The following PIKFYVE variants were observed in gnomAD, a reference collection of about 807,000 sequenced individuals.
PIKFYVE encodes 1-phosphatidylinositol 3-phosphate 5-kinase.
Under a neutral mutation model 257.9 loss-of-function variants are expected in PIKFYVE, and 122 were observed. The ratio of observed to expected loss-of-function variants is 0.47; its 90% CI spans 0.41 to 0.55. The LOEUF is 0.55. Ranked by LOEUF, PIKFYVE falls within the 20% of genes least tolerant of loss-of-function variation. The probability of loss-of-function intolerance (pLI) is 0.00; values close to 1 mark genes in which losing one functional copy is unlikely to be tolerated. For missense variants in PIKFYVE, 2,160 were observed against 2,536.6 expected, an observed-to-expected ratio of 0.85 and a Z score of 3.19; for synonymous variants, 892 against 868.9, an observed-to-expected ratio of 1.03 and a Z score of -0.47.
chr2:208,298,029 A>T (rs1231901368), intron 7 of PIKFYVE, among the ~76,000 whole-genome samples: 6 of 152,190 alleles, frequency 3.9e-5, no homozygotes, highest in Non-Finnish European at 7.4e-5. Context: ...AGAAGAAAGG[A>T]ATTCTTTTTT....
intron 31 of PIKFYVE, among the ~76,000 whole-genome samples, chr2:208,340,663 A>G (rs969745366): frequency 1.3e-5 from 2 of 152,230 alleles, no homozygotes; most frequent in African/African-American, 4.8e-5. Context: ...TTATGGAACA[A>G]GTATATCCAA....
intron 32 of PIKFYVE, 105 bp downstream of exon 32, chr2:208,342,754 A>G (rs1698827874): frequency 9.2e-6 from 8 of 872,470 alleles, no homozygotes; most frequent in Non-Finnish European, 7.5e-6. Context: ...ATGATTAAAT[A>G]TAAGCAAAAA....
chr2:208,269,000 C>T (rs1489935421), intron 1 of PIKFYVE, among the ~76,000 whole-genome samples: 3 of 152,060 alleles, frequency 2.0e-5, no homozygotes, highest in Non-Finnish European at 2.9e-5. Flanking sequence ...AGTGACAGTT[C>T]TACTAATGTC....
At chr2:208,324,366 CTTTT>C in intron 18 of PIKFYVE, 84 bp downstream of exon 18, 1 of 1,414,620 alleles carries the variant, frequency 7.1e-7, no homozygotes. Flanking sequence ...ATACAAGAAT[CTTTT>C]TTTCTTTGCT....
chr2:208,326,241 G>A lies in PIKFYVE; in HGVS notation c.3430G>A (p.Asp1144Asn). 1 of 1,591,178 alleles carries A rather than the reference G, an allele frequency of 6.3e-7. No individual in the cohort carries two copies. The highest frequency in any genetic ancestry group is 8.6e-7 in the Non-Finnish European group (1 of 1,168,956). ...VSTRIAEHLG[D>N]SQSLGRMLAD... is the part of the protein sequence containing the mutation. Reference sequence around the variant, plus strand: ...CACTAGAATTGCTGAGCATCTGGGCGATAGCCAGAGCTTGGGTAGAATGCT... The same window carrying A: ...CACTAGAATTGCTGAGCATCTGGGCAATAGCCAGAGCTTGGGTAGAATGCT... The change falls in exon 20 of 42, where the codon GAT becomes AAT. Residue 1144 changes from aspartate (D) to asparagine (N), a missense_variant. Physicochemically the swap from Asp to Asn is conservative, Grantham distance 23. Transcript: ENST00000264380.
intron 22 of PIKFYVE, among the ~76,000 whole-genome samples, 186 bp downstream of exon 22, chr2:208,330,099 C>A (rs1234219719): frequency 6.6e-6 from 1 of 152,070 alleles, no homozygotes; most frequent in Non-Finnish European, 1.5e-5. Context: ...ATCTCTTATC[C>A]AGAACATCCC....
intron 8 of PIKFYVE, 111 bp downstream of exon 8, chr2:208,298,890 TG>T: frequency 7.3e-7 from 1 of 1,374,030 alleles, no homozygotes. Flanking sequence ...CTGCCCAGGC[TG>T]GGGTGCAGTG....
intron 34 of PIKFYVE, 50 bp from the exon 35 acceptor site, chr2:208,347,809 C>T: frequency 6.7e-7 from 1 of 1,498,308 alleles, no homozygotes; most frequent in Non-Finnish European, 9.1e-7. Flanking sequence ...TTTTATTTTT[C>T]ATCTGTAGTG....
In PIKFYVE at chr2:208,266,268, A is replaced by T. The variant is rs886055529; in HGVS notation, c.-157A>T. On this transcript the variant is annotated 5_prime_UTR_variant, in exon 1 of 42. Coordinates refer to ENST00000264380, the MANE Select transcript of PIKFYVE (RefSeq NM_015040.4). ...GGGGGGGGAAGCGAGAAGCCGCATC[A>T]ACCATGTAAGCAGCTTCGCTTCCTG... The T allele has an allele frequency of 9.9e-5, 15 of 152,236 alleles. No individual in the cohort carries two copies. The highest frequency in any genetic ancestry group is 3.6e-4 in the African/African-American group (15 of 41,452). 9.4% of individuals were successfully genotyped at this position (152,236 alleles called of 1,614,324 possible).
intron 9 of PIKFYVE, among the ~76,000 whole-genome samples, chr2:208,301,449 A>G (rs1693670120): frequency 6.6e-6 from 1 of 152,232 alleles, no homozygotes; most frequent in Non-Finnish European, 1.5e-5. Flanking sequence ...TATTTGATCC[A>G]TAAGCTATGC....
intron 5 of PIKFYVE, among the ~76,000 whole-genome samples, chr2:208,284,104 T>C (rs1041513713): frequency 6.6e-6 from 1 of 152,150 alleles, no homozygotes; most frequent in East Asian, 1.9e-4. Context: ...TTACCTCCTT[T>C]TTTAATACCT....
In PIKFYVE at chr2:208,328,215, T is replaced by C; in HGVS notation, c.3654T>C (p.Leu1218=). The C allele has an allele frequency of 1.9e-6, 3 of 1,613,856 alleles. No homozygotes were observed. Among genetic ancestry groups the C allele is most frequent in the African/African-American group, 2.7e-5 (2 of 74,992 alleles). Residue 1218 remains leucine, a synonymous_variant, in exon 21 of 42, where the codon CTT becomes CTC. Coordinates refer to ENST00000264380, the MANE Select transcript of PIKFYVE (RefSeq NM_015040.4). ...DCLNPINHQR[L]CVLFSSSSAQ... Reference sequence around the variant, plus strand: ...TGAATCCCATTAATCACCAGAGACTTTGTGTGCTCTTCAGCAGCTCTTCTG... The same window carrying C: ...TGAATCCCATTAATCACCAGAGACTCTGTGTGCTCTTCAGCAGCTCTTCTG...
At chr2:208,268,670 T>A (rs1168943447) in intron 1 of PIKFYVE, among the ~76,000 whole-genome samples, 4 of 151,944 alleles carry the variant, frequency 2.6e-5, no homozygotes, top group African/African-American at 9.7e-5. Flanking sequence ...TTTGCTGAAT[T>A]GTCATGACAC....
At chr2:208,289,592 G>A (rs1574469502) in intron 7 of PIKFYVE, among the ~76,000 whole-genome samples, 1 of 152,006 alleles carries the variant, frequency 6.6e-6, no homozygotes, top group Non-Finnish European at 1.5e-5. Flanking sequence ...ACCATGCCCA[G>A]CTAATTTTTT....
intron 1 of PIKFYVE, chr2:208,269,554 G>C: frequency 3.5e-6 from 1 of 281,922 alleles, no homozygotes; most frequent in Non-Finnish European, 7.2e-6. Flanking sequence ...CTGCTTCTTG[G>C]CTGCTGCCTG....
chr2:208,283,400 T>C (rs1691097275), intron 5 of PIKFYVE, among the ~76,000 whole-genome samples: 1 of 152,240 alleles, frequency 6.6e-6, no homozygotes, highest in Non-Finnish European at 1.5e-5. Context: ...CTCTTGCTGA[T>C]GAACTTTCTT....
intron 34 of PIKFYVE, among the ~76,000 whole-genome samples, chr2:208,346,956 G>T (rs1462302125): frequency 6.6e-6 from 1 of 152,170 alleles, no homozygotes; most frequent in Non-Finnish European, 1.5e-5. Context: ...CCTTTAGTCA[G>T]TCTCATTGGT....
Position 208,326,120 on chromosome 2 carries a change from G to T in PIKFYVE, c.3309G>T (p.Lys1103Asn). Residue 1103 changes from lysine to asparagine, a missense_variant, in exon 20 of 42, where the codon AAG becomes AAT. Lys to Asn is a moderately conservative substitution (Grantham distance 94, BLOSUM62 0). Coordinates refer to ENST00000264380, the MANE Select transcript of PIKFYVE (RefSeq NM_015040.4). Reference protein sequence around the residue: ...KEFKEMENRRKKQLLRDLSGL... With the variant: ...KEFKEMENRRNKQLLRDLSGL... ...TCAAAGAAATGGAGAACAGGAGGAA[G>T]AAACAGCTGCTCAGGGATCTCTCTG... The T allele has an allele frequency of 6.2e-7, 1 of 1,614,170 alleles. No individual in the cohort carries two copies. The highest frequency in any genetic ancestry group is 8.5e-7 in the Non-Finnish European group (1 of 1,180,032).
chr2:208,316,300 A>C (rs1044747002), intron 15 of PIKFYVE, among the ~76,000 whole-genome samples: 2 of 152,084 alleles, frequency 1.3e-5, no homozygotes, highest in African/African-American at 4.8e-5. Flanking sequence ...GTTGGTTCCA[A>C]GTCTTTGCTA....
Sources: allele counts gnomAD v4.1 joint callset (sites outside exome capture counted in the v4.1 genomes callset), GRCh38; gene constraint gnomAD v4.1.1; transcripts MANE v1.5; gene names NCBI Gene and HGNC (gene_info 2026-07-23, HGNC 2026-07-21).